Variants in SLC5A11 observed in about 807,000 individuals in gnomAD.
The protein encoded by SLC5A11 is solute carrier family 5 member 11.
In SLC5A11, 48 loss-of-function variants were observed where a neutral mutation model predicts 69.8. The observed-to-expected ratio is 0.69, with a 90% CI of 0.55 to 0.87. SLC5A11 has a LOEUF of 0.87. Among genes scored for constraint, SLC5A11 ranks in the 40% least tolerant of loss-of-function variants. SLC5A11 has a pLI of 0.00. For missense variants in SLC5A11, 784 were observed against 866.1 expected (o/e 0.91, Z 1.19); for synonymous variants, 319 against 342.4 (o/e 0.93, Z 0.75).
intron 10 of SLC5A11, among the ~76,000 whole-genome samples, chr16:24,901,105 G>C (rs983108884): frequency 6.6e-6 from 1 of 152,152 alleles, no homozygotes; most frequent in East Asian, 1.9e-4. Context: ...ACTTGCATAA[G>C]CCATTTAATG....
chr16:24,858,765 C>T lies in SLC5A11; in HGVS notation c.122C>T (p.Ala41Val), dbSNP rs2059640686. 3.7e-6 allele frequency: 6 copies of T among 1,611,556 alleles called. No homozygotes were observed. In the East Asian group the frequency reaches 1.1e-4, roughly 30 times the overall value. The change falls in exon 2 of 16, where the codon GCT becomes GTT. Residue 41 changes from alanine to valine, a missense_variant. Transcript: ENST00000347898. ...GTTCTGTACTTCCTCTTTGTCCTGG[C>T]TGTTGGACTATGGGTAAGCCAGGCC...
intron 10 of SLC5A11, among the ~76,000 whole-genome samples, chr16:24,905,532 G>C (rs1426521814): frequency 6.6e-6 from 1 of 152,014 alleles, no homozygotes; most frequent in Non-Finnish European, 1.5e-5. Context: ...CCAGCTACTT[G>C]GGAGGCTGGA....
chr16:24,866,648 C>T (rs2046938139), intron 3 of SLC5A11, among the ~76,000 whole-genome samples: 1 of 149,038 alleles, frequency 6.7e-6, no homozygotes, highest in Admixed American at 6.7e-5. Context: ...TAACCAAACA[C>T]AATATATTTC....
At chr16:24,886,485 G>C (rs1208357347) in intron 8 of SLC5A11, among the ~76,000 whole-genome samples, 6 of 151,990 alleles carry the variant, frequency 3.9e-5, no homozygotes, top group African/African-American at 1.4e-4. Flanking sequence ...TGCTTTTTGA[G>C]AAATGTTTAT....
chr16:24,863,665 T>G (rs2046740929), intron 3 of SLC5A11, among the ~76,000 whole-genome samples: 1 of 151,822 alleles, frequency 6.6e-6, no homozygotes, highest in South Asian at 2.1e-4. Context: ...AAAAAAAAAT[T>G]GTCAAAATCA....
chr16:24,897,694 A>C (rs1421204475), intron 9 of SLC5A11, among the ~76,000 whole-genome samples: 2 of 152,346 alleles, frequency 1.3e-5, no homozygotes, highest in African/African-American at 4.8e-5. Context: ...GAAGGCAAAG[A>C]GGAGCAAGTC....
At chr16:24,898,454 C>T (rs1246995015) in intron 10 of SLC5A11, among the ~76,000 whole-genome samples, 5 of 152,044 alleles carry the variant, frequency 3.3e-5, no homozygotes, top group African/African-American at 9.7e-5. Context: ...AAGCTATCCT[C>T]CTGCCTTGGC....
chr16:24,872,334 A>AT lies in SLC5A11; in HGVS notation c.372+117dup. 7 of 1,244,734 alleles carry AT rather than the reference A, an allele frequency of 5.6e-6. No homozygotes were observed. The Admixed American group carries it at 1.2e-4, about 21-fold the overall frequency. 77.1% of individuals were successfully genotyped at this position (1,244,734 alleles called of 1,614,324 possible). On this transcript the variant is annotated intron_variant, in intron 5 of 15. Transcript: ENST00000347898. ...CCTCCTGCCCATGGTCATGTATTCGATTGCCACTCAGAGGCCCCAGTAAAG... is the reference window on the plus strand; with the variant it reads ...CCTCCTGCCCATGGTCATGTATTCGATTTGCCACTCAGAGGCCCCAGTAAAG...
chr16:24,879,660 G>T (rs541607358), intron 7 of SLC5A11, among the ~76,000 whole-genome samples: 2 of 152,056 alleles, frequency 1.3e-5, no homozygotes, highest in Admixed American at 6.6e-5. Context: ...TCTCTTGAAC[G>T]CAGGAGGCAG....
In SLC5A11 at chr16:24,866,559, A is replaced by G. The variant is rs140970058; in HGVS notation, c.208-3342A>G. Among the ~76,000 whole-genome samples, 30 of 151,300 alleles carry G rather than the reference A, an allele frequency of 2.0e-4. 1 individual carries two copies. In the East Asian group the frequency reaches 5.8e-3, roughly 29 times the overall value. ...ACACCACTGCACAGCAGCCTGGGCAACAGTGAGATCCTGTCTAAAAAAAAA... is the reference window on the plus strand; with the variant it reads ...ACACCACTGCACAGCAGCCTGGGCAGCAGTGAGATCCTGTCTAAAAAAAAA... On this transcript the variant is annotated intron_variant, in intron 3 of 15. Transcript: ENST00000347898.
chr16:24,874,541 G>A (rs2047542773), intron 5 of SLC5A11, among the ~76,000 whole-genome samples: 2 of 152,154 alleles, frequency 1.3e-5, no homozygotes, highest in South Asian at 4.1e-4. Context: ...TTTGGTGCAT[G>A]TGTAGTGATA....
intron 7 of SLC5A11, among the ~76,000 whole-genome samples, chr16:24,877,610 G>A (rs1481405990): frequency 6.6e-6 from 1 of 152,216 alleles, no homozygotes; most frequent in African/African-American, 2.4e-5. Context: ...AGCACTTTGG[G>A]AAGCCGAGGC....
At chr16:24,879,144 GTT>G (rs933020600) in intron 7 of SLC5A11, among the ~76,000 whole-genome samples, 1 of 147,720 alleles carries the variant, frequency 6.8e-6, no homozygotes. Flanking sequence ...TTGGTTTTTT[GTT>G]TTTTTTTTAC....
intron 1 of SLC5A11, among the ~76,000 whole-genome samples, chr16:24,857,364 G>A (rs2059580723): frequency 6.6e-6 from 1 of 152,202 alleles, no homozygotes; most frequent in South Asian, 2.1e-4. Context: ...ATCACCCTTG[G>A]AAATTTTATT....
chr16:24,875,572 G>T (rs34534629), intron 5 of SLC5A11, 55 bp from the exon 7 acceptor site: 478,014 of 1,431,852 alleles, frequency 0.33, 81,830 homozygotes, highest in Admixed American at 0.41. Flanking sequence ...GTGTGGGGGG[G>T]TCACGTGCTG....
exon 11 of SLC5A11, chr16:24,906,662 G>A: frequency 1.2e-6 from 2 of 1,603,520 alleles, no homozygotes; most frequent in Non-Finnish European, 1.7e-6. Context: ...CGTAGATCAA[G>A]TGGCCTGTGC....
chr16:24,855,123 C>A (rs1481042071), intron 1 of SLC5A11, among the ~76,000 whole-genome samples: 3 of 152,096 alleles, frequency 2.0e-5, no homozygotes, highest in Non-Finnish European at 4.4e-5. Flanking sequence ...AGCCACCACA[C>A]CTGGCCTCCA....
chr16:24,882,259 A>G (rs1025543007), intron 7 of SLC5A11, among the ~76,000 whole-genome samples: 9 of 152,310 alleles, frequency 5.9e-5, no homozygotes, highest in African/African-American at 1.9e-4. Flanking sequence ...TGCCTGGCAT[A>G]TGAGAGATTC....
At chr16:24,856,002 C>T (rs1030120519) in intron 1 of SLC5A11, among the ~76,000 whole-genome samples, 1 of 152,206 alleles carries the variant, frequency 6.6e-6, no homozygotes, top group East Asian at 1.9e-4. Flanking sequence ...ATCAAGGCTG[C>T]CCCCTGTCTG....
Sources: gnomAD v4.1 joint callset for allele counts (sites outside exome capture counted in the v4.1 genomes callset) on GRCh38, gnomAD v4.1.1 for gene constraint, MANE v1.5 for transcripts, NCBI Gene and HGNC (gene_info 2026-07-23, HGNC 2026-07-21) for gene names.